Variants in ERC2 observed in about 807,000 individuals in gnomAD.
ERC2 encodes the protein ERC protein 2.
A neutral mutation model predicts 114.8 loss-of-function variants in ERC2; 42 were observed. That is an observed-to-expected ratio of 0.37 (90% CI 0.29 to 0.47). The LOEUF (loss-of-function observed/expected upper bound fraction) is 0.47. Ranked by LOEUF, ERC2 falls within the 20% of genes least tolerant of loss-of-function variation. The probability of loss-of-function intolerance (pLI) is 0.99; values close to 1 mark genes in which losing one functional copy is unlikely to be tolerated. For synonymous variants in ERC2, 454 were observed against 425.5 expected, an observed-to-expected ratio of 1.07 and a Z score of -0.82; for missense variants, 939 against 1,150.7, an observed-to-expected ratio of 0.82 and a Z score of 2.66.
chr3:56,348,659 C>T (rs1411786573), intron 2 of ERC2, among the ~76,000 whole-genome samples: 1 of 151,756 alleles, frequency 6.6e-6, no homozygotes, highest in Non-Finnish European at 1.5e-5. Context: ...TTAAATGAAA[C>T]TTGCCTCATC....
intron 17 of ERC2, among the ~76,000 whole-genome samples, chr3:55,642,620 T>G (rs897074950): frequency 3.3e-5 from 5 of 152,148 alleles, no homozygotes; most frequent in Admixed American, 2.0e-4. Context: ...TGATCCACTG[T>G]GCCCAACCAG....
chr3:56,353,474 C>T (rs1225723417), intron 2 of ERC2, among the ~76,000 whole-genome samples: 1 of 151,822 alleles, frequency 6.6e-6, no homozygotes, highest in Non-Finnish European at 1.5e-5. Flanking sequence ...ACTATGCAGC[C>T]ATAAAAAATG....
chr3:55,931,772 G>A (rs2066108208), intron 13 of ERC2, among the ~76,000 whole-genome samples: 1 of 152,038 alleles, frequency 6.6e-6, no homozygotes, highest in Admixed American at 6.6e-5. Context: ...AAAGAAAGGA[G>A]GAAGTGGTGT....
chr3:55,771,413 C>G (rs1043196446), intron 14 of ERC2, among the ~76,000 whole-genome samples: 4 of 152,226 alleles, frequency 2.6e-5, no homozygotes, highest in Non-Finnish European at 4.4e-5. Context: ...TGAGTCTTCA[C>G]GTCCACCCTG....
chr3:56,428,470 G>A (rs998414119), intron 2 of ERC2, among the ~76,000 whole-genome samples: 10 of 144,242 alleles, frequency 6.9e-5, no homozygotes, highest in Admixed American at 2.1e-4. Flanking sequence ...GCAGTGAACC[G>A]AGATTACACC....
intron 14 of ERC2, among the ~76,000 whole-genome samples, chr3:55,747,023 T>G (rs1354190970): frequency 4.6e-5 from 7 of 152,218 alleles, no homozygotes; most frequent in Non-Finnish European, 1.0e-4. Context: ...GCAATAAATA[T>G]TGCCCTTTTC....
chr3:55,697,215 A>G (rs1393420685), intron 16 of ERC2, among the ~76,000 whole-genome samples: 1 of 152,222 alleles, frequency 6.6e-6, no homozygotes, highest in Admixed American at 6.5e-5. Context: ...GGAACTCGGA[A>G]CAGGATTCCA....
intron 14 of ERC2, among the ~76,000 whole-genome samples, chr3:55,735,355 A>C (rs2065565914): frequency 6.6e-6 from 1 of 152,178 alleles, no homozygotes; most frequent in African/African-American, 2.4e-5. Context: ...GGAGATTGGG[A>C]AGTTTAAGGG....
At chr3:55,549,104 A>G (rs2054965075) in intron 17 of ERC2, among the ~76,000 whole-genome samples, 1 of 152,194 alleles carries the variant, frequency 6.6e-6, no homozygotes, top group Non-Finnish European at 1.5e-5. Context: ...ACAGAAAAAG[A>G]GTGTGTATTA....
intron 7 of ERC2, among the ~76,000 whole-genome samples, chr3:56,073,330 G>C (rs1432055858): frequency 6.6e-6 from 1 of 152,116 alleles, no homozygotes; most frequent in Non-Finnish European, 1.5e-5. Context: ...TATTTATTGG[G>C]GGGCAGAGGT....
intron 7 of ERC2, among the ~76,000 whole-genome samples, chr3:56,062,796 A>G (rs1172226370): frequency 6.6e-6 from 1 of 151,992 alleles, no homozygotes; most frequent in Non-Finnish European, 1.5e-5. Context: ...TCTGGTCTCA[A>G]CTCTGACTTG....
In ERC2 at chr3:55,811,192, C is replaced by T. The variant is rs550456550; in HGVS notation, c.2565-76274G>A. ...ATAGCAATACATGGCTAGGGGCCAC[C>T]ATATTAACATCACAGATTCTAGATC... On this transcript the variant is annotated intron_variant, in intron 14 of 17. Transcript: ENST00000288221. 1.6e-3 allele frequency among the ~76,000 whole-genome samples: 250 copies of T among 152,264 alleles called. 1 individual carries two copies. Among genetic ancestry groups the T allele is most frequent in the African/African-American group, 5.6e-3 (232 of 41,554 alleles).
intron 14 of ERC2, among the ~76,000 whole-genome samples, chr3:55,883,239 G>A (rs1443534991): frequency 6.6e-6 from 1 of 151,998 alleles, no homozygotes; most frequent in Non-Finnish European, 1.5e-5. Flanking sequence ...AAATCACATC[G>A]TGAGAAATCT....
At chr3:56,354,515 C>A (rs1576565275) in intron 2 of ERC2, among the ~76,000 whole-genome samples, 1 of 152,088 alleles carries the variant, frequency 6.6e-6, no homozygotes, top group African/African-American at 2.4e-5. Context: ...ACAGGGCAGT[C>A]CCCCATAACA....
At chr3:56,017,052 C>T (rs1437222326) in intron 8 of ERC2, among the ~76,000 whole-genome samples, 1 of 152,158 alleles carries the variant, frequency 6.6e-6, no homozygotes, top group African/African-American at 2.4e-5. Context: ...TACTCCCACA[C>T]TTCAAAAGTT....
intron 14 of ERC2, among the ~76,000 whole-genome samples, chr3:55,757,884 C>T (rs2067162609): frequency 6.6e-6 from 1 of 151,922 alleles, no homozygotes; most frequent in Non-Finnish European, 1.5e-5. Flanking sequence ...ATTTGAGGCT[C>T]AGATAATATT....
chr3:55,957,637 A>G (rs978270804), intron 12 of ERC2, among the ~76,000 whole-genome samples: 1 of 152,160 alleles, frequency 6.6e-6, no homozygotes, highest in African/African-American at 2.4e-5. Flanking sequence ...CATGCCTGCC[A>G]AGGGCAAGCC....
intron 3 of ERC2, among the ~76,000 whole-genome samples, chr3:56,200,848 A>G (rs2048366539): frequency 6.6e-6 from 1 of 152,230 alleles, no homozygotes; most frequent in Non-Finnish European, 1.5e-5. Flanking sequence ...ACTATGCCAG[A>G]GAAATCTGCA....
intron 1 of ERC2, among the ~76,000 whole-genome samples, chr3:56,458,155 G>T (rs1041815075): frequency 3.5e-4 from 53 of 152,308 alleles, no homozygotes; most frequent in Non-Finnish European, 4.1e-4. Context: ...AAGAACACCA[G>T]CCACTCCTGT....
Sources: allele counts gnomAD v4.1 joint callset (sites outside exome capture counted in the v4.1 genomes callset), GRCh38; gene constraint gnomAD v4.1.1; transcripts MANE v1.5; gene names NCBI Gene and HGNC (gene_info 2026-07-23, HGNC 2026-07-21).